B3GALT1: variants seen among roughly 807,000 people sequenced by gnomAD.
B3GALT1 encodes the protein UDP-Gal:betaGlcNAc beta 1,3-galactosyltransferase, polypeptide 1.
B3GALT1 carries 10 observed loss-of-function variants against 23.2 expected under a neutral mutation model. The ratio of observed to expected loss-of-function variants is 0.43; its 90% CI spans 0.27 to 0.73. The LOEUF (loss-of-function observed/expected upper bound fraction) is 0.73. B3GALT1 is among the 30% of genes least tolerant of loss of function. The pLI, the probability that B3GALT1 is intolerant of heterozygous loss-of-function variation, is 0.21. For synonymous variants in B3GALT1, 156 were observed against 141.5 expected (o/e 1.10, Z -0.73); for missense variants, 299 against 405.4 (o/e 0.74, Z 2.25).
At chr2:167,390,081 A>G (rs138933106) in intron 1 of B3GALT1, among the ~76,000 whole-genome samples, 6 of 152,188 alleles carry the variant, frequency 3.9e-5, no homozygotes, top group Non-Finnish European at 7.4e-5. Context: ...AGAGGAGAAA[A>G]TCTCAGCTAC....
At chr2:167,520,098 A>G (rs1415587172) in intron 2 of B3GALT1, among the ~76,000 whole-genome samples, 2 of 152,034 alleles carry the variant, frequency 1.3e-5, no homozygotes, top group African/African-American at 2.4e-5. Flanking sequence ...GGAATCAAAT[A>G]CATAAAGATA....
intron 3 of B3GALT1, among the ~76,000 whole-genome samples, chr2:167,658,958 A>G (rs1238258051): frequency 2.6e-5 from 4 of 152,162 alleles, no homozygotes; most frequent in African/African-American, 4.8e-5. Flanking sequence ...GATTGCTAAG[A>G]AACAACAAAT....
rs11683698 is a variant in B3GALT1, at chr2:167,836,606, G to C, written c.-230+17813G>C. On this transcript the variant is annotated intron_variant, in intron 4 of 4. Transcript: ENST00000392690. ...GAACCAAGTTGGAAAACACTCTGCA[G>C]GATATTATCCAGGAGAACTTCCCCA... Among the ~76,000 whole-genome samples, 170 of 152,192 alleles carry C rather than the reference G, an allele frequency of 1.1e-3. 2 individuals are homozygous for C. The highest frequency in any genetic ancestry group is 6.8e-3 in the Middle Eastern group (2 of 294).
At chr2:167,595,253 CT>C (rs1684756122) in intron 2 of B3GALT1, among the ~76,000 whole-genome samples, 1 of 152,108 alleles carries the variant, frequency 6.6e-6, no homozygotes, top group Non-Finnish European at 1.5e-5. Flanking sequence ...GGGGCTAACA[CT>C]GATTATAAAG....
At chr2:167,533,061 A>G (rs780256643) in intron 2 of B3GALT1, among the ~76,000 whole-genome samples, 3 of 151,026 alleles carry the variant, frequency 2.0e-5, no homozygotes, top group South Asian at 2.1e-4. Context: ...GGGTTTCTCT[A>G]TGTTGGTCAG....
intron 4 of B3GALT1, among the ~76,000 whole-genome samples, chr2:167,842,370 A>G (rs1006333463): frequency 2.0e-4 from 31 of 152,212 alleles, no homozygotes; most frequent in African/African-American, 7.2e-4. Flanking sequence ...TTCACATTTC[A>G]TACTTACTTC....
At chr2:167,746,179 T>C (rs1207660277) in intron 3 of B3GALT1, among the ~76,000 whole-genome samples, 2 of 150,418 alleles carry the variant, frequency 1.3e-5, no homozygotes, top group Admixed American at 1.3e-4. Context: ...GTTCTGTTGG[T>C]TGTGAAATAT....
chr2:167,451,070 C>G (rs754249530), intron 1 of B3GALT1, among the ~76,000 whole-genome samples: 1 of 151,860 alleles, frequency 6.6e-6, no homozygotes, highest in Admixed American at 6.6e-5. Context: ...TATGTTATTT[C>G]CCTGAAGATT....
chr2:167,333,702 A>G (rs1697012281), intron 1 of B3GALT1, among the ~76,000 whole-genome samples: 1 of 152,216 alleles, frequency 6.6e-6, no homozygotes, highest in African/African-American at 2.4e-5. Flanking sequence ...TATCGTAAGA[A>G]ATAATTGGCT....
At chr2:167,529,518 AC>A (rs1245464459) in intron 2 of B3GALT1, among the ~76,000 whole-genome samples, 2 of 149,226 alleles carry the variant, frequency 1.3e-5, no homozygotes, top group African/African-American at 4.9e-5. Context: ...GGTGCTAGTA[AC>A]TGAGATGGGG....
chr2:167,776,834 G>A (rs970462075), intron 3 of B3GALT1, among the ~76,000 whole-genome samples: 1 of 152,076 alleles, frequency 6.6e-6, no homozygotes, highest in Non-Finnish European at 1.5e-5. Flanking sequence ...AACTTCTGTA[G>A]TTGTACACCT....
intron 3 of B3GALT1, among the ~76,000 whole-genome samples, chr2:167,688,752 G>A (rs1686659033): frequency 1.3e-5 from 2 of 151,982 alleles, no homozygotes. Context: ...ATAAATAATG[G>A]CTGAAATTTT....
At chr2:167,652,966 G>A (rs1021567366) in intron 3 of B3GALT1, among the ~76,000 whole-genome samples, 5 of 152,040 alleles carry the variant, frequency 3.3e-5, no homozygotes, top group South Asian at 2.1e-4. Context: ...GTGTACATAC[G>A]TGTGTGTCTT....
rs1698579900 is a variant in B3GALT1, at chr2:167,423,582, C to T, written c.-510-66595C>T. ...ATTGTCAGGGACGAGCAGATGATTT[C>T]CATTCAAATTAACAAACAATATTTC... On this transcript the variant is annotated intron_variant, in intron 1 of 4. Transcript: ENST00000392690. Among the ~76,000 whole-genome samples the T allele has an allele frequency of 1.3e-5, 2 of 152,116 alleles. 1 individual carries two copies. The highest frequency in any genetic ancestry group is 4.2e-4 in the South Asian group (2 of 4,816).
At chr2:167,334,452 A>G (rs1697022715) in intron 1 of B3GALT1, among the ~76,000 whole-genome samples, 4 of 152,294 alleles carry the variant, frequency 2.6e-5, no homozygotes, top group Middle Eastern at 3.4e-3. Context: ...GTTTTAAAGG[A>G]GGTCATGAAC....
intron 2 of B3GALT1, among the ~76,000 whole-genome samples, chr2:167,646,172 T>C (rs1685745832): frequency 6.6e-6 from 1 of 152,158 alleles, no homozygotes; most frequent in African/African-American, 2.4e-5. Context: ...TTCCTGAGGA[T>C]AAATCAGGAA....
chr2:167,733,859 A>G (rs1687450689), intron 3 of B3GALT1, among the ~76,000 whole-genome samples: 1 of 152,182 alleles, frequency 6.6e-6, no homozygotes, highest in Non-Finnish European at 1.5e-5. Flanking sequence ...TTGTGTGGCA[A>G]CTGACAGGAT....
intron 1 of B3GALT1, among the ~76,000 whole-genome samples, chr2:167,395,163 G>C (rs1052500584): frequency 6.6e-6 from 1 of 152,130 alleles, no homozygotes; most frequent in Non-Finnish European, 1.5e-5. Context: ...ACGTGAGATG[G>C]ATATAAATCT....
chr2:167,364,670 A>C (rs182285815), intron 1 of B3GALT1, among the ~76,000 whole-genome samples: 3 of 152,244 alleles, frequency 2.0e-5, no homozygotes, highest in African/African-American at 7.2e-5. Context: ...ACATGAACTC[A>C]TCCTTTTTTA....
Sources: allele counts gnomAD v4.1 joint callset (sites outside exome capture counted in the v4.1 genomes callset), GRCh38; gene constraint gnomAD v4.1.1; transcripts MANE v1.5; gene names NCBI Gene and HGNC (gene_info 2026-07-23, HGNC 2026-07-21).